NCALD: variants seen among roughly 807,000 people sequenced by gnomAD.
NCALD encodes the protein neurocalcin delta.
In NCALD, 10 loss-of-function variants were observed where a neutral mutation model predicts 18.6. The observed-to-expected ratio is 0.54, with a 90% CI of 0.33 to 0.91. The LOEUF is 0.91. Ranked by LOEUF, NCALD falls within the 40% of genes least tolerant of loss-of-function variation. The pLI is 0.03. For synonymous variants in NCALD, 88 were observed against 87.4 expected, an observed-to-expected ratio of 1.01 and a Z score of -0.04; for missense variants, 184 against 247.6, an observed-to-expected ratio of 0.74 and a Z score of 1.72.
chr8:101,793,932 A>AGT (rs1282271611), upstream of NCALD, among the ~76,000 whole-genome samples: 1 of 152,162 alleles, frequency 6.6e-6, no homozygotes. Flanking sequence ...AATTCTAACC[A>AGT]GTCTTTTGTC....
intron 2 of NCALD, among the ~76,000 whole-genome samples, chr8:101,917,085 C>T (rs1317010806): frequency 3.3e-5 from 5 of 152,032 alleles, no homozygotes; most frequent in African/African-American, 9.7e-5. Context: ...TAAGATTAAC[C>T]ACATGCTCAA....
At chr8:102,024,207 C>A (rs1427093002) in intron 1 of NCALD, among the ~76,000 whole-genome samples, 3 of 152,136 alleles carry the variant, frequency 2.0e-5, no homozygotes, top group Admixed American at 6.5e-5. Flanking sequence ...ACCAGAAATA[C>A]CATATTTTCA....
At chr8:102,113,969 A>G (rs1011770011) in intron 1 of NCALD, among the ~76,000 whole-genome samples, 5 of 152,256 alleles carry the variant, frequency 3.3e-5, no homozygotes, top group African/African-American at 1.2e-4. Flanking sequence ...ATCAGAGAAG[A>G]GTAGCGAGTG....
intron 4 of NCALD, among the ~76,000 whole-genome samples, chr8:101,818,228 C>T (rs554755130): frequency 6.6e-6 from 1 of 152,170 alleles, no homozygotes; most frequent in Non-Finnish European, 1.5e-5. Flanking sequence ...CTCTTCTAAT[C>T]TTTAATTTGA....
chr8:102,095,769 G>A (rs1225161930), intron 1 of NCALD, among the ~76,000 whole-genome samples: 3 of 152,208 alleles, frequency 2.0e-5, no homozygotes, highest in African/African-American at 4.8e-5. Flanking sequence ...TTACCTCATG[G>A]TGGAAGCACC....
chr8:102,087,839 C>T (rs1399847701), intron 1 of NCALD, among the ~76,000 whole-genome samples: 3 of 152,038 alleles, frequency 2.0e-5, no homozygotes, highest in East Asian at 1.9e-4. Flanking sequence ...TGAGAAATGG[C>T]TGGGTCTTTC....
intron 3 of NCALD, among the ~76,000 whole-genome samples, chr8:101,912,088 A>G (rs1817821670): frequency 6.6e-6 from 1 of 152,190 alleles, no homozygotes; most frequent in Non-Finnish European, 1.5e-5. Context: ...TATTTTTGTA[A>G]TTCATATTTT....
intron 1 of NCALD, among the ~76,000 whole-genome samples, chr8:102,025,982 G>A (rs1451275875): frequency 6.6e-6 from 1 of 152,150 alleles, no homozygotes; most frequent in Non-Finnish European, 1.5e-5. Flanking sequence ...GCAGCAGGAA[G>A]GAGAAGTATG....
rs76640881 is a variant in NCALD, at chr8:101,854,304, A to T, written c.-20+32837T>A. On this transcript the variant is annotated intron_variant, in intron 4 of 6. Transcript: ENST00000311028. The stretch of plus-strand genomic sequence containing the variant: ...CATACAAGCAGCCACCTTTAAACAG[A>T]TCAAATGACTCTTATGATGACAGCT... Among the ~76,000 whole-genome samples, 124 of 152,268 alleles carry T rather than the reference A, an allele frequency of 8.1e-4. No individual in the cohort carries two copies. In the East Asian group the frequency reaches 0.023, roughly 28 times the overall value.
intron 3 of NCALD, among the ~76,000 whole-genome samples, chr8:101,901,981 G>A (rs1817441960): frequency 6.6e-6 from 1 of 151,958 alleles, no homozygotes; most frequent in South Asian, 2.1e-4. Context: ...AGTAGAGATG[G>A]GGTTTCACCA....
intron 1 of NCALD, among the ~76,000 whole-genome samples, chr8:102,050,806 AATTT>A (rs375309145): frequency 0.048 from 7,066 of 146,176 alleles, 233 homozygotes; most frequent in South Asian, 0.13. Flanking sequence ...TAATTTAATT[AATTT>A]AATCATTTTT....
intron 4 of NCALD, among the ~76,000 whole-genome samples, chr8:101,822,611 T>G (rs186324012): frequency 6.6e-6 from 1 of 152,326 alleles, no homozygotes; most frequent in East Asian, 1.9e-4. Flanking sequence ...CTGGTAGTGG[T>G]GGCAGCCAGC....
chr8:101,843,333 C>A (rs527859589), intron 4 of NCALD, among the ~76,000 whole-genome samples: 43 of 152,190 alleles, frequency 2.8e-4, no homozygotes, highest in Non-Finnish European at 4.8e-4. Flanking sequence ...TCAGGCCTCA[C>A]GCTAGACCTA....
chr8:102,009,667 T>A (rs1306267583), intron 2 of NCALD, among the ~76,000 whole-genome samples: 2 of 152,256 alleles, frequency 1.3e-5, no homozygotes, highest in Non-Finnish European at 2.9e-5. Context: ...TCAGATTTGC[T>A]GTTTCAGGTA....
rs1245526153 is a variant in NCALD at position 101,691,326 on chromosome 8, G to A, written c.484+1465C>T. Reference sequence around the variant, plus strand: ...GAGGTTTTCCTTTGGAAAGGCACAGGTCTTTAGCAGTAAGTTGTGCTCTGA... The same window carrying A: ...GAGGTTTTCCTTTGGAAAGGCACAGATCTTTAGCAGTAAGTTGTGCTCTGA... On this transcript the variant is annotated intron_variant, in intron 3 of 3. Coordinates refer to ENST00000220931, the MANE Select transcript of NCALD (RefSeq NM_032041.3). 3.7e-5 allele frequency: 36 copies of A among 985,260 alleles called. No individual in the cohort carries two copies. In the East Asian group the frequency reaches 4.5e-4, roughly 12 times the overall value. 61.0% of individuals were successfully genotyped at this position (985,260 alleles called of 1,614,324 possible). A position where few individuals can be genotyped will look rare whatever the true frequency, so the allele number is the denominator to read the frequency against.
At chr8:101,719,132 C>T in intron 2 of NCALD, 120 bp downstream of exon 2, 1 of 1,209,938 alleles carries the variant, frequency 8.3e-7, no homozygotes, top group Admixed American at 2.4e-5. Flanking sequence ...CAGGGTGGGC[C>T]AAATGAAGTG....
intron 1 of NCALD, among the ~76,000 whole-genome samples, chr8:101,726,956 A>C (rs1816599521): frequency 6.6e-6 from 1 of 152,352 alleles, no homozygotes; most frequent in Middle Eastern, 3.4e-3. Context: ...AGAAGGAGCC[A>C]GTAAAGGAGA....
intron 1 of NCALD, among the ~76,000 whole-genome samples, chr8:101,765,050 C>T (rs1811288907): frequency 6.6e-6 from 1 of 152,274 alleles, no homozygotes; most frequent in South Asian, 2.1e-4. Context: ...ATGTAGGAAG[C>T]TCCTAATCGT....
intron 2 of NCALD, among the ~76,000 whole-genome samples, chr8:101,981,772 C>A (rs1158844140): frequency 2.0e-5 from 3 of 151,080 alleles, no homozygotes; most frequent in Non-Finnish European, 4.4e-5. Flanking sequence ...TCTAAACAGT[C>A]TTCAGTGTAT....
Sources: gnomAD v4.1 joint callset for allele counts (sites outside exome capture counted in the v4.1 genomes callset) on GRCh38, gnomAD v4.1.1 for gene constraint, MANE v1.5 for transcripts, NCBI Gene and HGNC (gene_info 2026-07-23, HGNC 2026-07-21) for gene names.